Variants in SUGCT observed in about 807,000 individuals in gnomAD.
SUGCT encodes succinyl-CoA:glutarate-CoA transferase.
In SUGCT, 41 loss-of-function variants were observed where a neutral mutation model predicts 55.0. The observed-to-expected ratio is 0.74, with a 90% CI of 0.58 to 0.97. The LOEUF is 0.97. Among genes scored for constraint, SUGCT ranks in the 50% least tolerant of loss-of-function variants. The pLI is 0.00. For synonymous variants in SUGCT, 187 were observed against 200.4 expected, an observed-to-expected ratio of 0.93 and a Z score of 0.56; for missense variants, 568 against 547.8, an observed-to-expected ratio of 1.04 and a Z score of -0.37.
At chr7:40,731,233 G>A (rs916745728) in intron 12 of SUGCT, among the ~76,000 whole-genome samples, 3 of 152,152 alleles carry the variant, frequency 2.0e-5, no homozygotes, top group Non-Finnish European at 4.4e-5. Context: ...TTATCTTAAC[G>A]AGGCTACATG....
At chr7:40,620,737 G>A (rs1195814360) in intron 12 of SUGCT, among the ~76,000 whole-genome samples, 3 of 152,040 alleles carry the variant, frequency 2.0e-5, no homozygotes, top group African/African-American at 7.2e-5. Flanking sequence ...CTTAGCATTT[G>A]GTGAATGGCC....
chr7:40,983,203 TG>T, the SUGCT span, among the ~76,000 whole-genome samples: 1 of 152,176 alleles, frequency 6.6e-6, no homozygotes, highest in African/African-American at 2.4e-5. Flanking sequence ...TCCTTCAGGA[TG>T]GGGTTCAGGG....
At chr7:40,135,662 T>G (rs1467806401) in intron 1 of SUGCT, among the ~76,000 whole-genome samples, 1 of 152,230 alleles carries the variant, frequency 6.6e-6, no homozygotes, top group Non-Finnish European at 1.5e-5. Flanking sequence ...TTTTCTTTTT[T>G]TCTCTTTTTT....
intron 3 of SUGCT, among the ~76,000 whole-genome samples, chr7:40,183,505 A>T (rs1020880510): frequency 6.6e-6 from 1 of 152,010 alleles, no homozygotes; most frequent in South Asian, 2.1e-4. Context: ...ATGCCCAGCT[A>T]TAATAATAAA....
At chr7:40,612,012 C>CT (rs60231610) in intron 12 of SUGCT, among the ~76,000 whole-genome samples, 19,941 of 145,156 alleles carry the variant, frequency 0.14, 1,393 homozygotes, top group Middle Eastern at 0.24. Flanking sequence ...ATTCCCCCCC[C>CT]TTTTTTTTTT....
At chr7:40,978,210 A>T in the SUGCT span, among the ~76,000 whole-genome samples, 10 of 152,254 alleles carry the variant, frequency 6.6e-5, no homozygotes, top group Non-Finnish European at 1.3e-4. Flanking sequence ...CAGCACACAG[A>T]CACATGCTGT....
intron 11 of SUGCT, among the ~76,000 whole-genome samples, chr7:40,466,993 G>A (rs941244681): frequency 4.3e-4 from 65 of 151,986 alleles, no homozygotes; most frequent in African/African-American, 1.5e-3. Context: ...CATGAGGTCA[G>A]GAGATCGAGA....
intron 13 of SUGCT, among the ~76,000 whole-genome samples, chr7:40,839,535 C>A (rs1663091629): frequency 6.6e-6 from 1 of 152,110 alleles, no homozygotes; most frequent in Non-Finnish European, 1.5e-5. Context: ...CCATAGAAAC[C>A]TAGAAATTTC....
intron 12 of SUGCT, among the ~76,000 whole-genome samples, chr7:40,544,132 G>GTT (rs36008782): frequency 1.3e-4 from 18 of 137,412 alleles, no homozygotes; most frequent in South Asian, 9.4e-4. Flanking sequence ...AAGGTGGGAG[G>GTT]TTTTTTTTTT....
chr7:40,929,996 A>G, the SUGCT span, among the ~76,000 whole-genome samples: 891 of 152,252 alleles, frequency 5.9e-3, 7 homozygotes, highest in African/African-American at 0.02. Flanking sequence ...GTCCTTGCCC[A>G]TGCCTATGTC....
intron 7 of SUGCT, among the ~76,000 whole-genome samples, chr7:40,272,549 C>G (rs1792141510): frequency 1.3e-5 from 2 of 151,610 alleles, no homozygotes; most frequent in South Asian, 4.2e-4. Context: ...GTCAATAGTG[C>G]TGCAGTAACC....
the SUGCT span, among the ~76,000 whole-genome samples, chr7:40,867,724 C>A: frequency 6.6e-6 from 1 of 152,148 alleles, no homozygotes; most frequent in African/African-American, 2.4e-5. Context: ...AGAAGTACAT[C>A]TTCATGTTTG....
intron 9 of SUGCT, among the ~76,000 whole-genome samples, chr7:40,340,902 A>G (rs1797008594): frequency 1.3e-5 from 2 of 152,196 alleles, no homozygotes; most frequent in Admixed American, 1.3e-4. Context: ...TTCCACTGTC[A>G]TCATGTCTTT....
At chr7:40,366,481 T>C (rs1305580068) in intron 9 of SUGCT, among the ~76,000 whole-genome samples, 2 of 151,990 alleles carry the variant, frequency 1.3e-5, no homozygotes, top group African/African-American at 4.8e-5. Flanking sequence ...ACAGGCAACC[T>C]ACAAAATGGG....
At chr7:40,689,516 G>A (rs973077859) in intron 12 of SUGCT, among the ~76,000 whole-genome samples, 3 of 152,070 alleles carry the variant, frequency 2.0e-5, no homozygotes, top group Non-Finnish European at 2.9e-5. Context: ...TTCAGACAGA[G>A]GCTTTCTACT....
chr7:40,318,552 T>A (rs1373235736), intron 9 of SUGCT, among the ~76,000 whole-genome samples: 2 of 152,212 alleles, frequency 1.3e-5, no homozygotes, highest in Non-Finnish European at 2.9e-5. Context: ...TTCTTCTGCC[T>A]CCACCTCCTG....
intron 13 of SUGCT, among the ~76,000 whole-genome samples, chr7:40,799,877 A>G (rs1790723850): frequency 1.3e-5 from 2 of 152,224 alleles, no homozygotes; most frequent in African/African-American, 4.8e-5. Context: ...TAGTATAGCA[A>G]ACCTGTCCCA....
rs533258816 is a variant in SUGCT, at chr7:40,195,150, T to C, written c.484+90T>C. The C allele has an allele frequency of 4.3e-6, 6 of 1,400,634 alleles. No individual in the cohort carries two copies. The South Asian group carries it at 6.8e-5, about 16-fold the overall frequency. The allele number at this position is 1,400,634 out of a possible 1,614,324, so 86.8% of individuals were successfully genotyped here. ...TAAGAAACCTTTTGCTGGCTTTTTT[T>C]TTTTTTGGAAGTTATTCTGTTTTCC... On this transcript the variant is annotated intron_variant, in intron 6 of 13. Coordinates refer to ENST00000335693, the MANE Select transcript of SUGCT (RefSeq NM_001193313.2).
intron 1 of SUGCT, among the ~76,000 whole-genome samples, chr7:40,166,572 A>C (rs1358845481): frequency 1.3e-5 from 2 of 152,146 alleles, no homozygotes; most frequent in African/African-American, 4.8e-5. Context: ...ACGCCCATTC[A>C]AACAGCTAAC....
Sources: allele counts gnomAD v4.1 joint callset (sites outside exome capture counted in the v4.1 genomes callset), GRCh38; gene constraint gnomAD v4.1.1; transcripts MANE v1.5; gene names NCBI Gene and HGNC (gene_info 2026-07-23, HGNC 2026-07-21).